SIM1: variants seen among roughly 807,000 people sequenced by gnomAD.
SIM1 encodes the protein single-minded homolog 1.
SIM1 carries 18 observed loss-of-function variants against 78.2 expected under a neutral mutation model. The ratio of observed to expected loss-of-function variants is 0.23; its 90% CI spans 0.16 to 0.34. The LOEUF (loss-of-function observed/expected upper bound fraction) is 0.34. Among genes scored for constraint, SIM1 ranks in the 10% least tolerant of loss-of-function variants. The pLI, the probability that SIM1 is intolerant of heterozygous loss-of-function variation, is 1.00. For missense variants in SIM1, 939 were observed against 975.1 expected (o/e 0.96, Z 0.49); for synonymous variants, 417 against 385.2 (o/e 1.08, Z -0.97).
intron 10 of SIM1, among the ~76,000 whole-genome samples, chr6:100,397,533 T>C (rs1770797560): frequency 6.6e-6 from 1 of 151,948 alleles, no homozygotes; most frequent in African/African-American, 2.4e-5. Flanking sequence ...CTCAAAAGGT[T>C]CACAGACTTA....
chr6:100,391,477 T>C (rs1770638048), intron 11 of SIM1, among the ~76,000 whole-genome samples: 1 of 152,262 alleles, frequency 6.6e-6, no homozygotes. Flanking sequence ...TGTTATTCTG[T>C]AGAGCAGTGC....
intron 2 of SIM1, among the ~76,000 whole-genome samples, chr6:100,458,250 C>T (rs987813552): frequency 1.3e-5 from 2 of 152,154 alleles, no homozygotes; most frequent in Non-Finnish European, 2.9e-5. Context: ...GACAGTCCTG[C>T]GTGACGGCCG....
chr6:100,398,817 A>G (rs1282287125), intron 10 of SIM1, among the ~76,000 whole-genome samples: 1 of 152,006 alleles, frequency 6.6e-6, no homozygotes, highest in Non-Finnish European at 1.5e-5. Flanking sequence ...TGATAATTCT[A>G]TTTTGAATTC....
At chr6:100,408,008 G>C (rs1771093440) in intron 10 of SIM1, among the ~76,000 whole-genome samples, 1 of 151,832 alleles carries the variant, frequency 6.6e-6, no homozygotes, top group Non-Finnish European at 1.5e-5. Context: ...ATTTATTTTT[G>C]CTTTTGTTGT....
Position 100,447,276 on chromosome 6 carries a change from A to G in SIM1, c.990T>C (p.Tyr330=). The G allele has an allele frequency of 1.2e-6, 2 of 1,614,170 alleles. No individual in the cohort carries two copies. Among genetic ancestry groups the G allele is most frequent in the Non-Finnish European group, 1.7e-6 (2 of 1,180,030 alleles). The change falls in exon 9 of 12, where the codon TAT becomes TAC. Residue 330 remains tyrosine (Y), a synonymous_variant. Coordinates refer to ENST00000369208, the MANE Select transcript of SIM1 (RefSeq NM_005068.3). ...CTCAGTCTTGCACTCACGTGAGGAC[A>G]TAGTTGACGCTGACGATACAGTGTG... ...SRPHCIVSVN[Y]VLTDTEYKGL...
At chr6:100,423,096 T>C (rs986691985) in intron 9 of SIM1, among the ~76,000 whole-genome samples, 1 of 152,250 alleles carries the variant, frequency 6.6e-6, no homozygotes. Flanking sequence ...ATCACTGGTC[T>C]ACTTTTTAGC....
At chr6:100,416,034 A>C (rs952179064) in intron 10 of SIM1, among the ~76,000 whole-genome samples, 5 of 152,068 alleles carry the variant, frequency 3.3e-5, no homozygotes, top group Non-Finnish European at 5.9e-5. Flanking sequence ...GGGAGCAGAC[A>C]TACAACTCTC....
At chr6:100,412,749 AAG>A (rs1207219820) in intron 10 of SIM1, among the ~76,000 whole-genome samples, 1 of 144,452 alleles carries the variant, frequency 6.9e-6, no homozygotes, top group African/African-American at 2.5e-5. Flanking sequence ...GAAAGAAAGA[AAG>A]AAAAAAGAAA....
At chr6:100,447,503 C>T in intron 8 of SIM1, 88 bp from the exon 9 acceptor site, 1 of 1,474,456 alleles carries the variant, frequency 6.8e-7, no homozygotes, top group African/African-American at 1.4e-5. Context: ...GAATTGAGGG[C>T]TCCCTGTGGG....
chr6:100,412,572 AAAG>A (rs1771226525), intron 10 of SIM1, among the ~76,000 whole-genome samples: 1 of 104,622 alleles, frequency 9.6e-6, no homozygotes, highest in African/African-American at 3.4e-5. Flanking sequence ...AGAAAGAAAG[AAAG>A]AAAGAAAGAA....
chr6:100,422,458 C>T (rs1295919694), intron 9 of SIM1, among the ~76,000 whole-genome samples: 1 of 152,184 alleles, frequency 6.6e-6, no homozygotes, highest in Non-Finnish European at 1.5e-5. Flanking sequence ...CCACCTTGAC[C>T]TCCCAAAGTG....
chr6:100,412,060 G>A (rs1771204058), intron 10 of SIM1, among the ~76,000 whole-genome samples: 2 of 152,038 alleles, frequency 1.3e-5, no homozygotes, highest in African/African-American at 4.8e-5. Flanking sequence ...GGGCAGTGGT[G>A]GGTCTCCAAG....
intron 10 of SIM1, among the ~76,000 whole-genome samples, chr6:100,397,521 A>C (rs1211723407): frequency 1.3e-5 from 2 of 152,222 alleles, no homozygotes; most frequent in Admixed American, 1.3e-4. Flanking sequence ...ATATAAAAAA[A>C]ACTCAAAAGG....
chr6:100,458,007 T>TCTCTCTCTCCCTCTCC, intron 2 of SIM1, among the ~76,000 whole-genome samples: 1 of 2,650 alleles, frequency 3.8e-4, no homozygotes, highest in South Asian at 0.02. Flanking sequence ...TCTCTCTCTT[T>TCTCTCTCTCCCTCTCC]CTCTCTCTCT....
intron 10 of SIM1, among the ~76,000 whole-genome samples, chr6:100,412,598 A>AG (rs201487766): frequency 2.2e-3 from 245 of 110,368 alleles, no homozygotes; most frequent in Non-Finnish European, 2.7e-3. Context: ...AAAGAAAGAA[A>AG]GAAAGAAAGA....
chr6:100,458,013 TCTCTCTCTCTCTCTCTCTCTC>T (rs1562064211), intron 2 of SIM1, among the ~76,000 whole-genome samples: 26 of 12,408 alleles, frequency 2.1e-3, no homozygotes, highest in East Asian at 6.3e-3. Context: ...TCTTTCTCTC[TCTCTCTCTCTCTCTCTCTCTC>T]TCTCTCTCTC....
At chr6:100,413,109 C>T (rs957014391) in intron 10 of SIM1, among the ~76,000 whole-genome samples, 1 of 152,216 alleles carries the variant, frequency 6.6e-6, no homozygotes, top group Admixed American at 6.5e-5. Flanking sequence ...ACTGACACCA[C>T]CACGTTCCTT....
intron 9 of SIM1, among the ~76,000 whole-genome samples, chr6:100,438,987 G>T (rs373365345): frequency 5.7e-4 from 87 of 152,264 alleles, no homozygotes; most frequent in Middle Eastern, 3.4e-3. Flanking sequence ...TGAGGAATAA[G>T]ACTGCATATT....
At chr6:100,419,034 G>A (rs1390183159) in intron 10 of SIM1, among the ~76,000 whole-genome samples, 1 of 152,010 alleles carries the variant, frequency 6.6e-6, no homozygotes, top group Non-Finnish European at 1.5e-5. Context: ...GGGCGTGGTG[G>A]CAGTGCCTGT....
Sources: gnomAD v4.1 joint callset for allele counts (sites outside exome capture counted in the v4.1 genomes callset) on GRCh38, gnomAD v4.1.1 for gene constraint, MANE v1.5 for transcripts, NCBI Gene and HGNC (gene_info 2026-07-23, HGNC 2026-07-21) for gene names.